HDAC9: variants seen among roughly 807,000 people sequenced by gnomAD.
HDAC9 encodes the protein MEF-2 interacting transcription repressor (MITR) protein.
HDAC9 carries 41 observed loss-of-function variants against 139.4 expected under a neutral mutation model. That is an observed-to-expected ratio of 0.29 (90% CI 0.23 to 0.38). The LOEUF is 0.38. Ranked by LOEUF, HDAC9 falls within the 10% of genes least tolerant of loss-of-function variation. HDAC9 has a pLI of 1.00. For missense variants in HDAC9, 1,147 were observed against 1,297.0 expected (o/e 0.88, Z 1.78); for synonymous variants, 517 against 476.2 (o/e 1.09, Z -1.12).
chr7:18,460,276 G>A (rs181785991), intron 1 of HDAC9, among the ~76,000 whole-genome samples: 1 of 152,126 alleles, frequency 6.6e-6, no homozygotes, highest in East Asian at 1.9e-4. Flanking sequence ...AGCATTATTT[G>A]TACTTGTGTT....
At chr7:18,620,099 T>C (rs1167304478) in intron 6 of HDAC9, among the ~76,000 whole-genome samples, 2 of 152,212 alleles carry the variant, frequency 1.3e-5, no homozygotes, top group African/African-American at 4.8e-5. Flanking sequence ...CATTCCTTGA[T>C]TCCTTGTTTG....
rs202217522 is a variant in HDAC9, at chr7:18,793,499, G to C, written c.2322+47G>C. 7 of 1,188,162 alleles carry C rather than the reference G, an allele frequency of 5.9e-6. No homozygotes were observed. In the African/African-American group the frequency reaches 7.5e-5, roughly 13 times the overall value. 73.6% of individuals were successfully genotyped at this position (1,188,162 alleles called of 1,614,324 possible). A position where few individuals can be genotyped will look rare whatever the true frequency, so the allele number is the denominator to read the frequency against. ...GTGTGGGAAATCCAGAGAAGAAACT[G>C]AAACAGAGATGTTGTTATGTGGGAA... On this transcript the variant is annotated intron_variant, in intron 17 of 25. Coordinates refer to ENST00000686413, the MANE Select transcript of HDAC9 (RefSeq NM_178425.4).
intron 1 of HDAC9, among the ~76,000 whole-genome samples, chr7:18,300,538 T>G (rs757895144): frequency 7.2e-5 from 11 of 152,128 alleles, no homozygotes; most frequent in Non-Finnish European, 1.5e-4. Flanking sequence ...AAAAGCAGTT[T>G]AACAATATGT....
chr7:18,395,743 C>G (rs1004236825), intron 1 of HDAC9, among the ~76,000 whole-genome samples: 2 of 152,076 alleles, frequency 1.3e-5, no homozygotes, highest in East Asian at 3.8e-4. Flanking sequence ...TTTTTAAACA[C>G]TCAACCACTG....
At chr7:18,125,415 T>C (rs1784597619) in intron 1 of HDAC9, among the ~76,000 whole-genome samples, 1 of 138,918 alleles carries the variant, frequency 7.2e-6, no homozygotes, top group Non-Finnish European at 1.6e-5. Flanking sequence ...ATATATACAC[T>C]AACACATATA....
At chr7:18,120,852 T>C (rs1784324292) in intron 1 of HDAC9, among the ~76,000 whole-genome samples, 1 of 152,208 alleles carries the variant, frequency 6.6e-6, no homozygotes, top group African/African-American at 2.4e-5. Context: ...TTGGGCATGA[T>C]GGTGATTTGT....
intron 1 of HDAC9, among the ~76,000 whole-genome samples, chr7:18,399,442 C>G (rs910232159): frequency 6.6e-6 from 1 of 152,110 alleles, no homozygotes; most frequent in Non-Finnish European, 1.5e-5. Flanking sequence ...TGGAGGTGTT[C>G]AGCTAAATTT....
chr7:18,920,828 A>T (rs1481170480), intron 22 of HDAC9, among the ~76,000 whole-genome samples: 2 of 152,122 alleles, frequency 1.3e-5, no homozygotes, highest in African/African-American at 4.8e-5. Flanking sequence ...CCAGCCTTGT[A>T]TACCAGGGAT....
chr7:18,849,741 C>T (rs1797148275), intron 21 of HDAC9, among the ~76,000 whole-genome samples: 1 of 152,004 alleles, frequency 6.6e-6, no homozygotes. Flanking sequence ...GGAGAATTTC[C>T]ATTAAGTTCA....
At chr7:18,540,388 ATATT>A (rs1812438047) in intron 2 of HDAC9, among the ~76,000 whole-genome samples, 1 of 152,042 alleles carries the variant, frequency 6.6e-6, no homozygotes, top group African/African-American at 2.4e-5. Flanking sequence ...CTTATTAAAT[ATATT>A]TATTCTTTCC....
chr7:18,299,155 G>T (rs1798356453), intron 1 of HDAC9, among the ~76,000 whole-genome samples: 1 of 151,604 alleles, frequency 6.6e-6, no homozygotes, highest in Admixed American at 6.6e-5. Context: ...GTTTATGCAA[G>T]AGTAAGATTT....
chr7:18,237,961 G>A (rs956563423), intron 2 of HDAC9, among the ~76,000 whole-genome samples: 4 of 152,128 alleles, frequency 2.6e-5, no homozygotes, highest in African/African-American at 9.7e-5. Flanking sequence ...TAAATCTTTT[G>A]TTTGGTCCTT....
chr7:18,970,672 C>A (rs879613047), intron 24 of HDAC9, among the ~76,000 whole-genome samples: 6 of 152,140 alleles, frequency 3.9e-5, no homozygotes, highest in Non-Finnish European at 7.4e-5. Context: ...AATCCATAGA[C>A]CTCCTTGTAA....
chr7:18,470,338 A>G (rs557689259), intron 1 of HDAC9, among the ~76,000 whole-genome samples: 1 of 152,062 alleles, frequency 6.6e-6, no homozygotes, highest in Non-Finnish European at 1.5e-5. Context: ...AAGCCAAACC[A>G]AAAAGCCAGT....
At chr7:18,256,148 C>T (rs533541626) in intron 2 of HDAC9, among the ~76,000 whole-genome samples, 6 of 152,110 alleles carry the variant, frequency 3.9e-5, no homozygotes, top group African/African-American at 7.2e-5. Flanking sequence ...TTTTATGTTG[C>T]GTATCTGAGA....
intron 13 of HDAC9, among the ~76,000 whole-genome samples, chr7:18,746,131 A>G (rs1411229766): frequency 1.3e-5 from 2 of 152,068 alleles, no homozygotes; most frequent in African/African-American, 4.8e-5. Flanking sequence ...TCAGCCTCCC[A>G]AAGTGCTAGG....
At position 18,762,240 on chromosome 7, in the gene HDAC9, C is replaced by A. The variant is rs369887503; in HGVS notation, c.2127C>A (p.Pro709=). ...ACTCACTGTTGTATGGCACCAACCC[C>A]CTGGACGGACAGAAGCTGGACCCCA... ...EHHSLLYGTN[P]LDGQKLDPRI... is the part of the protein sequence containing the mutation. Residue 709 remains proline, a synonymous_variant, in exon 15 of 26, where the codon CCC becomes CCA. Coordinates refer to ENST00000686413, the MANE Select transcript of HDAC9 (RefSeq NM_178425.4). The A allele has an allele frequency of 1.4e-5, 22 of 1,613,524 alleles. No individual in the cohort carries two copies. Among genetic ancestry groups the A allele is most frequent in the Admixed American group, 6.7e-5 (4 of 59,962 alleles).
chr7:18,341,248 A>G (rs1781986722), intron 1 of HDAC9, among the ~76,000 whole-genome samples: 1 of 150,548 alleles, frequency 6.6e-6, no homozygotes, highest in African/African-American at 2.5e-5. Flanking sequence ...GTGTGCACAC[A>G]CACATGTGCC....
intron 21 of HDAC9, among the ~76,000 whole-genome samples, chr7:18,850,620 T>A (rs1797215624): frequency 2.0e-5 from 3 of 152,230 alleles, no homozygotes; most frequent in Admixed American, 1.3e-4. Flanking sequence ...CAGGAAATTA[T>A]TCACATGTCT....
Sources: allele counts gnomAD v4.1 joint callset (sites outside exome capture counted in the v4.1 genomes callset), GRCh38; gene constraint gnomAD v4.1.1; transcripts MANE v1.5; gene names NCBI Gene and HGNC (gene_info 2026-07-23, HGNC 2026-07-21).